Variants in IL1R1 observed in about 807,000 individuals in gnomAD.
IL1R1 encodes interleukin 1 receptor type 1.
IL1R1 carries 22 observed loss-of-function variants against 50.2 expected under a neutral mutation model. That is an observed-to-expected ratio of 0.44 (90% CI 0.31 to 0.63). The LOEUF (loss-of-function observed/expected upper bound fraction) is 0.63, where lower values mean the gene tolerates loss of function less well. IL1R1 is among the 20% of genes least tolerant of loss of function. IL1R1 has a pLI of 0.07. For missense variants in IL1R1, 509 were observed against 676.2 expected (o/e 0.75, Z 2.74); for synonymous variants, 251 against 236.7 (o/e 1.06, Z -0.55).
chr2:102,078,964 T>C (rs1216411037), intron 1 of IL1R1, among the ~76,000 whole-genome samples: 1 of 152,118 alleles, frequency 6.6e-6, no homozygotes, highest in Non-Finnish European at 1.5e-5. Context: ...TAATGCAACA[T>C]ATTAATAGAA....
chr2:102,099,196 T>C (rs113764888), intron 1 of IL1R1, among the ~76,000 whole-genome samples: 4 of 152,220 alleles, frequency 2.6e-5, no homozygotes, highest in Non-Finnish European at 5.9e-5. Context: ...ATAGTAGGCT[T>C]GGTTTCCTAT....
rs147449582 is a variant in IL1R1 at position 102,095,846 on chromosome 2, T to C, written c.-84+25313T>C. On this transcript the variant is annotated intron_variant, in intron 1 of 11. Transcript: ENST00000409929. ...GGTGAAACCCCATCTCTACTAAAAATAGAAAAATTAGCTGGGTGTGGTGGT... is the reference window on the plus strand; with the variant it reads ...GGTGAAACCCCATCTCTACTAAAAACAGAAAAATTAGCTGGGTGTGGTGGT... 1.4e-4 allele frequency among the ~76,000 whole-genome samples: 22 copies of C among 151,784 alleles called. 1 individual carries two copies. In the East Asian group the frequency reaches 4.1e-3, roughly 28 times the overall value.
intron 3 of IL1R1, among the ~76,000 whole-genome samples, chr2:102,160,888 A>C (rs74326178): frequency 8.7e-4 from 132 of 152,272 alleles, no homozygotes; most frequent in Middle Eastern, 3.4e-3. Context: ...TGTCCGAACC[A>C]CTAAGTAATA....
intron 3 of IL1R1, among the ~76,000 whole-genome samples, chr2:102,160,086 A>G (rs539426603): frequency 2.0e-5 from 3 of 152,310 alleles, no homozygotes; most frequent in Non-Finnish European, 4.4e-5. Context: ...ATTTCTTTGA[A>G]TAGAAAATAG....
At chr2:102,120,904 C>T (rs1487351759) in intron 1 of IL1R1, among the ~76,000 whole-genome samples, 1 of 152,212 alleles carries the variant, frequency 6.6e-6, no homozygotes, top group African/African-American at 2.4e-5. Context: ...AGTTCCGGCA[C>T]ATGTGGTCCA....
intron 1 of IL1R1, among the ~76,000 whole-genome samples, chr2:102,106,228 G>A (rs186771295): frequency 7.6e-4 from 116 of 152,208 alleles, no homozygotes; most frequent in African/African-American, 2.3e-3. Context: ...GAACAGTGAC[G>A]TGTGTGTCTC....
intron 1 of IL1R1, among the ~76,000 whole-genome samples, chr2:102,075,075 G>C (rs58340896): frequency 0.041 from 6,200 of 152,174 alleles, 216 homozygotes; most frequent in South Asian, 0.17. Flanking sequence ...CCTTGGCAAA[G>C]TCAGTGGTGA....
Position 102,174,611 on chromosome 2 carries a change from T to C in IL1R1, c.1016T>C (p.Ile339Thr), listed in dbSNP as rs1310627451. Reference protein sequence around the residue: ...YPVTNFQKHMIGICVTLTVII... With the variant: ...YPVTNFQKHMTGICVTLTVII... ...GTCACTAATTTCCAGAAGCACATGA[T>C]TGGTATATGTGTCACGTTGACAGTC... The change falls in exon 10 of 12, where the codon ATT becomes ACT. Residue 339 changes from isoleucine (I) to threonine (T), a missense_variant. By Grantham distance (89) the Ile-to-Thr change is moderately conservative (BLOSUM62 -1). Coordinates refer to ENST00000410023, the MANE Select transcript of IL1R1 (RefSeq NM_000877.4). 6.3e-7 allele frequency: 1 copy of C among 1,589,140 alleles called. No individual in the cohort carries two copies. Among genetic ancestry groups the C allele is most frequent in the East Asian group, 2.3e-5 (1 of 43,714 alleles).
chr2:102,073,832 T>C (rs2104269053), intron 1 of IL1R1, among the ~76,000 whole-genome samples: 1 of 152,210 alleles, frequency 6.6e-6, no homozygotes, highest in South Asian at 2.1e-4. Context: ...CCCTACCTTA[T>C]GCAATTAAAA....
intron 1 of IL1R1, among the ~76,000 whole-genome samples, chr2:102,077,959 A>G (rs1577790333): frequency 6.6e-6 from 1 of 152,234 alleles, no homozygotes; most frequent in South Asian, 2.1e-4. Flanking sequence ...TAAACAATAT[A>G]CTCTTAAATA....
chr2:102,121,536 C>T (rs970653324), intron 1 of IL1R1, among the ~76,000 whole-genome samples: 89 of 152,186 alleles, frequency 5.8e-4, no homozygotes, highest in African/African-American at 2.0e-3. Context: ...GCAGATCTTC[C>T]CTCTAGCTCT....
intron 1 of IL1R1, among the ~76,000 whole-genome samples, chr2:102,122,820 T>G (rs60084385): frequency 0.36 from 54,031 of 152,106 alleles, 11,495 homozygotes; most frequent in East Asian, 0.46. Flanking sequence ...CCAAGTGATG[T>G]TCAGAGCTAA....
chr2:102,085,723 C>T (rs1679403176), intron 1 of IL1R1, among the ~76,000 whole-genome samples: 1 of 151,946 alleles, frequency 6.6e-6, no homozygotes, highest in Admixed American at 6.6e-5. Context: ...TTTAAAATCA[C>T]CTGTCAATTC....
intron 1 of IL1R1, among the ~76,000 whole-genome samples, chr2:102,123,026 T>C (rs955841402): frequency 2.6e-5 from 4 of 152,234 alleles, no homozygotes; most frequent in African/African-American, 9.6e-5. Flanking sequence ...TGGTTTACTT[T>C]AGTAAGAAAT....
At chr2:102,086,566 A>T (rs948515108) in intron 1 of IL1R1, among the ~76,000 whole-genome samples, 2 of 151,626 alleles carry the variant, frequency 1.3e-5, no homozygotes, top group Non-Finnish European at 2.9e-5. Context: ...TTAATTACAT[A>T]TATTTTGGCA....
intron 1 of IL1R1, among the ~76,000 whole-genome samples, chr2:102,089,581 C>G (rs926454219): frequency 2.0e-5 from 3 of 152,094 alleles, no homozygotes; most frequent in Admixed American, 1.3e-4. Context: ...ATGGTTGCCA[C>G]AAACCTTCAA....
rs949980206 is a variant in IL1R1, at chr2:102,142,804, C to G, written c.-300C>G. The G allele has an allele frequency of 6.8e-6, 1 of 147,622 alleles. No homozygotes were observed. Among genetic ancestry groups the G allele is most frequent in the Non-Finnish European group, 1.5e-5 (1 of 66,452 alleles). 9.1% of individuals were successfully genotyped at this position (147,622 alleles called of 1,614,324 possible). A position where few individuals can be genotyped will look rare whatever the true frequency, so the allele number is the denominator to read the frequency against. On this transcript the variant is annotated 5_prime_UTR_variant, in exon 1 of 12. Coordinates refer to ENST00000410023, the MANE Select transcript of IL1R1 (RefSeq NM_000877.4). ...GCCGGCGGCCGGAGCCGACTCGGAG[C>G]GCGCGGCGCCGGCCGGGAGGAGCCG...
chr2:102,168,696 C>A, intron 7 of IL1R1, 33 bp downstream of exon 7: 7 of 1,380,242 alleles, frequency 5.1e-6, no homozygotes, highest in Non-Finnish European at 6.0e-6. Context: ...ATGCTGGAAT[C>A]GGTTTTTTTT....
exon 1 of IL1R1, chr2:102,070,496 T>C (rs1263020225): frequency 6.6e-6 from 1 of 152,168 alleles, no homozygotes; most frequent in Non-Finnish European, 1.5e-5. Context: ...GCCAGAGGAC[T>C]GCCAAGGCTC....
Sources: gnomAD v4.1 joint callset for allele counts (sites outside exome capture counted in the v4.1 genomes callset) on GRCh38, gnomAD v4.1.1 for gene constraint, MANE v1.5 for transcripts, NCBI Gene and HGNC (gene_info 2026-07-23, HGNC 2026-07-21) for gene names.